Variants in RFX7 observed in about 807,000 individuals in gnomAD.
RFX7 encodes regulatory factor X7, also known as DNA-binding protein RFX7.
In RFX7, 26 loss-of-function variants were observed where a neutral mutation model predicts 111.8. The ratio of observed to expected loss-of-function variants is 0.23; its 90% CI spans 0.17 to 0.32. The LOEUF (loss-of-function observed/expected upper bound fraction) is 0.32. Among genes scored for constraint, RFX7 ranks in the 10% least tolerant of loss-of-function variants. The pLI, the probability that RFX7 is intolerant of heterozygous loss-of-function variation, is 1.00. For missense variants in RFX7, 1,573 were observed against 1,772.9 expected (o/e 0.89, Z 2.02); for synonymous variants, 624 against 624.4 (o/e 1.00, Z 0.01).
At chr15:56,193,563 T>C (rs1300427481) in intron 2 of RFX7, among the ~76,000 whole-genome samples, 1 of 152,204 alleles carries the variant, frequency 6.6e-6, no homozygotes, top group African/African-American at 2.4e-5. Flanking sequence ...GGTATTTTGG[T>C]ATTAGATTTT....
chr15:56,159,096 T>C (rs1190576990), intron 3 of RFX7, among the ~76,000 whole-genome samples: 1 of 152,218 alleles, frequency 6.6e-6, no homozygotes, highest in East Asian at 1.9e-4. Context: ...CATGCATTAT[T>C]TGTCTTTCTG....
At chr15:56,212,790 C>G (rs1029908330) in intron 2 of RFX7, among the ~76,000 whole-genome samples, 1 of 151,898 alleles carries the variant, frequency 6.6e-6, no homozygotes, top group Non-Finnish European at 1.5e-5. Flanking sequence ...AAAATACTCT[C>G]AAAACTCAAC....
intron 5 of RFX7, among the ~76,000 whole-genome samples, chr15:56,128,847 T>C (rs1418346600): frequency 1.3e-5 from 2 of 151,808 alleles, no homozygotes; most frequent in African/African-American, 4.8e-5. Flanking sequence ...CTAATAAAGG[T>C]GAGCAAAATT....
chr15:56,127,342 A>G (rs1211339738), intron 5 of RFX7, among the ~76,000 whole-genome samples: 1 of 151,692 alleles, frequency 6.6e-6, no homozygotes, highest in African/African-American at 2.4e-5. Context: ...CAGGAAATTT[A>G]TAGGGACATA....
intron 2 of RFX7, among the ~76,000 whole-genome samples, chr15:56,220,679 T>C (rs2043417669): frequency 6.6e-6 from 1 of 152,228 alleles, no homozygotes; most frequent in Non-Finnish European, 1.5e-5. Flanking sequence ...CAGAAGTTCT[T>C]TAGTTTAATT....
intron 2 of RFX7, among the ~76,000 whole-genome samples, chr15:56,190,489 T>C (rs2043088957): frequency 6.6e-6 from 1 of 152,234 alleles, no homozygotes; most frequent in Non-Finnish European, 1.5e-5. Context: ...GGTCATTCTA[T>C]CTTCAGAACT....
At chr15:56,142,163 C>G (rs533522474) in intron 5 of RFX7, among the ~76,000 whole-genome samples, 11 of 152,162 alleles carry the variant, frequency 7.2e-5, no homozygotes, top group Non-Finnish European at 1.6e-4. Context: ...AAATGTTAAA[C>G]GAGACTATAT....
intron 2 of RFX7, among the ~76,000 whole-genome samples, chr15:56,209,272 A>G (rs1373615632): frequency 6.6e-6 from 1 of 151,358 alleles, no homozygotes; most frequent in African/African-American, 2.4e-5. Flanking sequence ...GGAGTGAAAC[A>G]CTCGAGAGTG....
At chr15:56,185,849 G>A (rs898586644) in intron 2 of RFX7, among the ~76,000 whole-genome samples, 5 of 152,088 alleles carry the variant, frequency 3.3e-5, no homozygotes, top group Admixed American at 3.3e-4. Flanking sequence ...TGGAAGTCCT[G>A]TATACCTGGA....
chr15:56,123,815 T>TTC (rs1362412320), intron 5 of RFX7, among the ~76,000 whole-genome samples: 1 of 152,184 alleles, frequency 6.6e-6, no homozygotes, highest in Non-Finnish European at 1.5e-5. Flanking sequence ...GCTGGCTGAG[T>TTC]TCTGCCCACT....
At chr15:56,149,907 G>A (rs1199739273) in intron 3 of RFX7, among the ~76,000 whole-genome samples, 1 of 152,078 alleles carries the variant, frequency 6.6e-6, no homozygotes, top group Admixed American at 6.5e-5. Context: ...GAGTCAAGTG[G>A]TCTGGCTCAG....
At chr15:56,190,620 C>A (rs977082073) in intron 2 of RFX7, among the ~76,000 whole-genome samples, 1 of 152,148 alleles carries the variant, frequency 6.6e-6, no homozygotes, top group African/African-American at 2.4e-5. Context: ...AAATATGATT[C>A]CTGGACTAAC....
At position 56,087,483 on chromosome 15, in the gene RFX7, A is replaced by G. The variant is rs1274462996; in HGVS notation, c.*5862T>C. On this transcript the variant is annotated 3_prime_UTR_variant, in exon 10 of 10. Coordinates refer to ENST00000559447, the MANE Select transcript of RFX7 (RefSeq NM_022841.7). ...GTTCTAGCCATCACATTTGCATTCC[A>G]GCCAGCAGAGAGGAAGGACAAGAAC... The G allele has an allele frequency of 4.4e-6, 2 of 456,682 alleles. No homozygotes were observed. Among genetic ancestry groups the G allele is most frequent in the African/African-American group, 2.0e-5 (1 of 50,164 alleles). The allele number at this position is 456,682 out of a possible 1,614,324, so 28.3% of individuals were successfully genotyped here.
intron 5 of RFX7, among the ~76,000 whole-genome samples, chr15:56,117,055 G>T (rs1468651164): frequency 3.3e-5 from 5 of 152,164 alleles, no homozygotes; most frequent in Admixed American, 3.3e-4. Context: ...TATGAGGCAG[G>T]ATTATGGTAA....
At chr15:56,199,397 T>C (rs1229543278) in intron 2 of RFX7, among the ~76,000 whole-genome samples, 1 of 152,200 alleles carries the variant, frequency 6.6e-6, no homozygotes, top group African/African-American at 2.4e-5. Context: ...ACCATTGTAA[T>C]ATTTAAAAAT....
At chr15:56,112,049 A>C (rs1353476012) in intron 5 of RFX7, among the ~76,000 whole-genome samples, 4 of 149,120 alleles carry the variant, frequency 2.7e-5, no homozygotes, top group Non-Finnish European at 4.4e-5. Context: ...CAGGAGGCGG[A>C]GGTTGCAGTG....
chr15:56,243,039 C>CCCG, intron 2 of RFX7, 86 bp downstream of exon 2: 1 of 667,438 alleles, frequency 1.5e-6, no homozygotes, highest in Non-Finnish European at 2.4e-6. Context: ...CCTCCTCCTC[C>CCCG]GCTCCCCCCG....
chr15:56,223,647 T>G (rs2043449487), intron 2 of RFX7, among the ~76,000 whole-genome samples: 1 of 152,102 alleles, frequency 6.6e-6, no homozygotes, highest in Non-Finnish European at 1.5e-5. Flanking sequence ...TCAAGAAAAC[T>G]GAAAAAATGA....
intron 3 of RFX7, among the ~76,000 whole-genome samples, chr15:56,147,306 T>C (rs1389549046): frequency 6.6e-6 from 1 of 152,178 alleles, no homozygotes; most frequent in Non-Finnish European, 1.5e-5. Flanking sequence ...GGATGAACCT[T>C]GAAAACATCG....
Sources: allele counts gnomAD v4.1 joint callset (sites outside exome capture counted in the v4.1 genomes callset), GRCh38; gene constraint gnomAD v4.1.1; transcripts MANE v1.5; gene names NCBI Gene and HGNC (gene_info 2026-07-23, HGNC 2026-07-21).